The following IL1RAPL1 variants were observed in gnomAD, a reference collection of about 807,000 sequenced individuals.
IL1RAPL1 encodes the protein interleukin 1 receptor accessory protein like 1.
Under a neutral mutation model 48.4 loss-of-function variants are expected in IL1RAPL1, and 3 were observed. The observed-to-expected ratio is 0.06, with a 90% CI of 0.03 to 0.16. The LOEUF (loss-of-function observed/expected upper bound fraction) is 0.16. Among genes scored for constraint, IL1RAPL1 ranks in the 10% least tolerant of loss-of-function variants. The pLI, the probability that IL1RAPL1 is intolerant of heterozygous loss-of-function variation, is 1.00. For missense variants in IL1RAPL1, 349 were observed against 530.6 expected (o/e 0.66, Z 3.36); for synonymous variants, 185 against 187.7 (o/e 0.99, Z 0.12).
intron 1 of IL1RAPL1, among the ~76,000 whole-genome samples, chrX:28,724,552 T>G (rs1311138898): frequency 2.7e-5 from 3 of 111,642 alleles, no homozygotes; most frequent in African/African-American, 9.8e-5. Context: ...TTTATCCAAT[T>G]TGCCAGTCTG....
chrX:29,614,806 A>C (rs772523902), intron 5 of IL1RAPL1, among the ~76,000 whole-genome samples: 15 of 111,865 alleles, frequency 1.3e-4, no homozygotes, highest in Non-Finnish European at 2.6e-4. Flanking sequence ...GTTTAAGCCA[A>C]TAGATGTCTT....
chrX:29,907,935 T>G (rs181541463), intron 6 of IL1RAPL1, among the ~76,000 whole-genome samples: 1 of 111,633 alleles, frequency 9.0e-6, no homozygotes, highest in African/African-American at 3.3e-5. Flanking sequence ...TTTCTAAATA[T>G]CATAGACCAT....
intron 1 of IL1RAPL1, among the ~76,000 whole-genome samples, chrX:28,761,086 C>CAAA (rs34538764): frequency 3.4e-5 from 3 of 89,306 alleles, no homozygotes; most frequent in African/African-American, 1.2e-4. Flanking sequence ...GACTCCTTCT[C>CAAA]AAAAAAAAAA....
chrX:29,934,057 G>A (rs983747583), intron 8 of IL1RAPL1, among the ~76,000 whole-genome samples: 1 of 109,615 alleles, frequency 9.1e-6, no homozygotes, highest in African/African-American at 3.3e-5. Context: ...AAAAAAAAAA[G>A]GAACAGGAAA....
chrX:28,715,476 A>G (rs920984396), intron 1 of IL1RAPL1, among the ~76,000 whole-genome samples: 1 of 111,781 alleles, frequency 8.9e-6, no homozygotes, highest in East Asian at 2.8e-4. Context: ...CTAACATCAC[A>G]ACTAAAAGAA....
At chrX:28,729,884 T>C (rs1023458509) in intron 1 of IL1RAPL1, among the ~76,000 whole-genome samples, 1 of 110,756 alleles carries the variant, frequency 9.0e-6, no homozygotes, top group Non-Finnish European at 1.9e-5. Context: ...TAGTCCCAGC[T>C]ACTCTGGAGG....
intron 2 of IL1RAPL1, among the ~76,000 whole-genome samples, chrX:28,845,456 A>G (rs1357165972): frequency 8.9e-6 from 1 of 111,806 alleles, no homozygotes; most frequent in African/African-American, 3.2e-5. Flanking sequence ...GCTATGTCAG[A>G]TTAAAGGAAA....
At chrX:29,403,177 C>G (rs1215748820) in intron 5 of IL1RAPL1, among the ~76,000 whole-genome samples, 1 of 112,428 alleles carries the variant, frequency 8.9e-6, no homozygotes, top group Non-Finnish European at 1.9e-5. Context: ...CCACATTTAT[C>G]TACTTATTCA....
At chrX:29,176,386 T>C (rs1930023714) in intron 2 of IL1RAPL1, among the ~76,000 whole-genome samples, 1 of 108,584 alleles carries the variant, frequency 9.2e-6, no homozygotes, top group South Asian at 4.1e-4. Context: ...TACTTCGCTT[T>C]TTTGACAGGT....
intron 3 of IL1RAPL1, among the ~76,000 whole-genome samples, chrX:29,377,420 T>C (rs984047309): frequency 8.9e-6 from 1 of 112,073 alleles, no homozygotes; most frequent in Non-Finnish European, 1.9e-5. Flanking sequence ...CTGGTTGTTA[T>C]GTAGACTTGA....
At chrX:28,828,015 C>G (rs1244572478) in intron 2 of IL1RAPL1, among the ~76,000 whole-genome samples, 1 of 111,106 alleles carries the variant, frequency 9.0e-6, no homozygotes, top group African/African-American at 3.3e-5. Context: ...TTTTTTTTGA[C>G]CTGGGACTAG....
chrX:29,587,850 G>C (rs1309180786), intron 5 of IL1RAPL1, among the ~76,000 whole-genome samples: 1 of 112,000 alleles, frequency 8.9e-6, no homozygotes, highest in East Asian at 2.8e-4. Flanking sequence ...TAGTGCTTTT[G>C]TGTCCTGCAT....
chrX:29,317,615 A>G (rs1413544506), intron 3 of IL1RAPL1, among the ~76,000 whole-genome samples: 1 of 112,117 alleles, frequency 8.9e-6, no homozygotes, highest in African/African-American at 3.2e-5. Flanking sequence ...CATGGTATGT[A>G]TTTGTTGATT....
intron 2 of IL1RAPL1, among the ~76,000 whole-genome samples, chrX:28,797,893 T>C (rs919735346): frequency 1.8e-5 from 2 of 112,113 alleles, no homozygotes; most frequent in Non-Finnish European, 1.9e-5. Flanking sequence ...AAAGGTTTAA[T>C]TGGACTTACA....
intron 2 of IL1RAPL1, among the ~76,000 whole-genome samples, chrX:29,171,115 GC>G (rs1383815607): frequency 1.8e-5 from 2 of 110,887 alleles, no homozygotes; most frequent in Non-Finnish European, 3.8e-5. Flanking sequence ...TCCTGCCTCA[GC>G]CTCCCGAGTA....
chrX:29,349,491 G>C (rs974164708), intron 3 of IL1RAPL1, among the ~76,000 whole-genome samples: 6 of 111,740 alleles, frequency 5.4e-5, no homozygotes, highest in African/African-American at 1.6e-4. Flanking sequence ...GAATGGGATA[G>C]AGAGACAGGA....
At chrX:29,171,718 G>C (rs1436222487) in intron 2 of IL1RAPL1, among the ~76,000 whole-genome samples, 1 of 111,604 alleles carries the variant, frequency 9.0e-6, no homozygotes, top group Non-Finnish European at 1.9e-5. Context: ...AATTTATTAG[G>C]CATGCAAAAT....
At chrX:29,587,341 G>A (rs1923206121) in intron 5 of IL1RAPL1, among the ~76,000 whole-genome samples, 1 of 99,632 alleles carries the variant, frequency 1.0e-5, no homozygotes, top group African/African-American at 3.7e-5. Flanking sequence ...TAGAAACAGA[G>A]AGTAGAATGG....
intron 2 of IL1RAPL1, among the ~76,000 whole-genome samples, chrX:28,941,071 A>C (rs1924152764): frequency 9.0e-6 from 1 of 111,274 alleles, no homozygotes. Flanking sequence ...TATTTAACGT[A>C]TCAACATTTT....
Sources: allele counts gnomAD v4.1 joint callset (sites outside exome capture counted in the v4.1 genomes callset), GRCh38; gene constraint gnomAD v4.1.1; transcripts MANE v1.5; gene names NCBI Gene and HGNC (gene_info 2026-07-23, HGNC 2026-07-21).